The following CNKSR3 variants were observed in gnomAD, a reference collection of about 807,000 sequenced individuals.
The protein encoded by CNKSR3 is connector enhancer of kinase suppressor of ras 3.
A neutral mutation model predicts 67.7 loss-of-function variants in CNKSR3; 36 were observed. The observed-to-expected ratio is 0.53, with a 90% CI of 0.41 to 0.70. The LOEUF (loss-of-function observed/expected upper bound fraction) is 0.70, where lower values mean the gene tolerates loss of function less well. Among genes scored for constraint, CNKSR3 ranks in the 30% least tolerant of loss-of-function variants. CNKSR3 has a pLI of 0.00. For missense variants in CNKSR3, 630 were observed against 695.2 expected, an observed-to-expected ratio of 0.91 and a Z score of 1.05; for synonymous variants, 281 against 271.4, an observed-to-expected ratio of 1.04 and a Z score of -0.35.
At position 154,510,424 on chromosome 6, in the gene CNKSR3, C is replaced by T; in HGVS notation, c.-310G>A. 2.2e-6 allele frequency: 1 copy of T among 448,658 alleles called. No individual in the cohort carries two copies. The highest frequency in any genetic ancestry group is 4.0e-6 in the Non-Finnish European group (1 of 252,966). The allele number at this position is 448,658 out of a possible 1,614,324, so 27.8% of individuals were successfully genotyped here. ...GGCACGCCGGGCTGCGACCCCAGAC[C>T]CCTGGCCTCGGCTCGGCACGGGAGC... On this transcript the variant is annotated 5_prime_UTR_variant, in exon 1 of 13. Transcript: ENST00000607772.
chr6:154,390,241 A>T lies in CNKSR3; in HGVS notation c.*16113T>A, dbSNP rs777625809. ...CTTAGCCCCAGCCTGTGCCTGACCA[A>T]CTCACCTAGGCTACCAAGTTCCCTT... On this transcript the variant is annotated 3_prime_UTR_variant, in exon 13 of 13. Transcript: ENST00000607772. The T allele has an allele frequency of 9.9e-5, 15 of 152,064 alleles. No homozygotes were observed. The highest frequency in any genetic ancestry group is 1.6e-4 in the Non-Finnish European group (11 of 68,066). 9.4% of individuals were successfully genotyped at this position (152,064 alleles called of 1,614,324 possible).
intron 1 of CNKSR3, among the ~76,000 whole-genome samples, chr6:154,474,035 G>A (rs13197276): frequency 0.011 from 1,706 of 149,258 alleles, 11 homozygotes; most frequent in Non-Finnish European, 0.017. Context: ...CGTCCACCTC[G>A]GCCTCCCAAA....
rs997309622 is a variant in CNKSR3, at chr6:154,391,697, T to C, written c.*14657A>G. 6.6e-6 allele frequency: 1 copy of C among 152,218 alleles called. No individual in the cohort carries two copies. The highest frequency in any genetic ancestry group is 1.5e-5 in the Non-Finnish European group (1 of 68,052). 9.4% of individuals were successfully genotyped at this position (152,218 alleles called of 1,614,324 possible). A position where few individuals can be genotyped will look rare whatever the true frequency, so the allele number is the denominator to read the frequency against. The stretch of plus-strand genomic sequence containing the variant: ...CCTTCTCTTTTTTCTCACCTCGCCT[T>C]GGGCTTGTATCTTCCAAATAAAACA... On this transcript the variant is annotated 3_prime_UTR_variant, in exon 13 of 13. Coordinates refer to ENST00000607772, the MANE Select transcript of CNKSR3 (RefSeq NM_173515.4).
rs1786325314 is a variant in CNKSR3, at chr6:154,471,276, A to G, written c.53-21018T>C. On this transcript the variant is annotated intron_variant, in intron 1 of 12. Transcript: ENST00000607772. ...TATGTGTTGCTTGCCATAAATAGAA[A>G]TACCATGAATGCACACTTTGGGAGG... Among the ~76,000 whole-genome samples, 3 of 152,200 alleles carry G rather than the reference A, an allele frequency of 2.0e-5. No individual in the cohort carries two copies. In the South Asian group the frequency reaches 6.2e-4, roughly 31 times the overall value.
Position 154,445,275 on chromosome 6 carries a change from C to T in CNKSR3, c.217-2985G>A, listed in dbSNP as rs1328328179. 2.0e-5 allele frequency among the ~76,000 whole-genome samples: 3 copies of T among 151,960 alleles called. No individual in the cohort carries two copies. In the East Asian group the frequency reaches 5.8e-4, roughly 29 times the overall value. ...AATATTCTATATTAGCAGTATTTTT[C>T]TATCTAAATGTGATATTCATTTTTT... On this transcript the variant is annotated intron_variant, in intron 2 of 12. Transcript: ENST00000607772.
At chr6:154,460,381 G>A (rs1786053524) in intron 1 of CNKSR3, among the ~76,000 whole-genome samples, 1 of 152,158 alleles carries the variant, frequency 6.6e-6, no homozygotes, top group African/African-American at 2.4e-5. Context: ...TATGTTTGAA[G>A]GTGTGTGTGC....
intron 1 of CNKSR3, among the ~76,000 whole-genome samples, chr6:154,507,368 C>T (rs1787122710): frequency 1.3e-5 from 2 of 152,156 alleles, no homozygotes; most frequent in Non-Finnish European, 2.9e-5. Context: ...TTCTCATAAT[C>T]GCCCTACCCA....
Position 154,510,003 on chromosome 6 carries a change from C to T in CNKSR3, c.52+60G>A, listed in dbSNP as rs1206312125. 1.5e-5 allele frequency: 23 copies of T among 1,585,536 alleles called. No individual in the cohort carries two copies. In the Admixed American group the frequency reaches 3.8e-4, roughly 26 times the overall value. Reference sequence around the variant, plus strand: ...AAGGGCCAAGTACCCTCTTCCCCAGCTCCTCGTCCGCCCCATCCCCGAGGC... The same window carrying T: ...AAGGGCCAAGTACCCTCTTCCCCAGTTCCTCGTCCGCCCCATCCCCGAGGC... On this transcript the variant is annotated intron_variant, in intron 1 of 12. Transcript: ENST00000607772.
At position 154,403,694 on chromosome 6, in the gene CNKSR3, C is replaced by T. The variant is rs1784740669; in HGVS notation, c.*2660G>A. The T allele has an allele frequency of 6.6e-6, 1 of 151,774 alleles. No individual in the cohort carries two copies. Among genetic ancestry groups the T allele is most frequent in the African/African-American group, 2.4e-5 (1 of 41,272 alleles). The allele number at this position is 151,774 out of a possible 1,614,324, so 9.4% of individuals were successfully genotyped here. On this transcript the variant is annotated 3_prime_UTR_variant, in exon 13 of 13. Coordinates refer to ENST00000607772, the MANE Select transcript of CNKSR3 (RefSeq NM_173515.4). ...AAGATGAAGCTGTGGAGGGTGACTG[C>T]AAGTAGAGGAGCCAGGAACTTCTCT...
At chr6:154,474,672 G>A (rs1312167429) in intron 1 of CNKSR3, among the ~76,000 whole-genome samples, 1 of 152,178 alleles carries the variant, frequency 6.6e-6, no homozygotes, top group Non-Finnish European at 1.5e-5. Context: ...GTGTGCCCCT[G>A]GCACAGCCGT....
At chr6:154,411,286 C>T (rs1237302343) in intron 10 of CNKSR3, 144 bp from the exon 11 acceptor site, 5 of 622,848 alleles carry the variant, frequency 8.0e-6, no homozygotes, top group East Asian at 5.5e-5. Context: ...CTTTTGTCAA[C>T]CCCAGTTGCC....
intron 4 of CNKSR3, among the ~76,000 whole-genome samples, chr6:154,441,064 C>G (rs1785570572): frequency 6.6e-6 from 1 of 151,514 alleles, no homozygotes; most frequent in South Asian, 2.1e-4. Context: ...TTAAAACACA[C>G]ACAAAAAGGT....
rs1784617545 is a variant in CNKSR3 at position 154,392,404 on chromosome 6, C to T, written c.*13950G>A. The T allele has an allele frequency of 6.6e-6, 1 of 152,208 alleles. No homozygotes were observed. Among genetic ancestry groups the T allele is most frequent in the African/African-American group, 2.4e-5 (1 of 41,448 alleles). 9.4% of individuals were successfully genotyped at this position (152,208 alleles called of 1,614,324 possible). A position where few individuals can be genotyped will look rare whatever the true frequency, so the allele number is the denominator to read the frequency against. ...CCAACAGACATTGGGCTGTGTTCTA[C>T]AAAGGCAGATGGCCAAACAGCACAC... On this transcript the variant is annotated 3_prime_UTR_variant, in exon 13 of 13. Transcript: ENST00000607772.
chr6:154,395,126 C>A lies in CNKSR3; in HGVS notation c.*11228G>T, dbSNP rs141336796. ...GCAGGGCTTCCTGGCAAGCTTAGGACGCGTGCTCCCCCTGCAAGGAGAGAA... is the reference window on the plus strand; with the variant it reads ...GCAGGGCTTCCTGGCAAGCTTAGGAAGCGTGCTCCCCCTGCAAGGAGAGAA... On this transcript the variant is annotated 3_prime_UTR_variant, in exon 13 of 13. Coordinates refer to ENST00000607772, the MANE Select transcript of CNKSR3 (RefSeq NM_173515.4). 6.6e-6 allele frequency: 1 copy of A among 152,142 alleles called. No individual in the cohort carries two copies. The highest frequency in any genetic ancestry group is 1.5e-5 in the Non-Finnish European group (1 of 68,046). 9.4% of individuals were successfully genotyped at this position (152,142 alleles called of 1,614,324 possible). A position where few individuals can be genotyped will look rare whatever the true frequency, so the allele number is the denominator to read the frequency against.
rs35873703 is a variant in CNKSR3 at position 154,415,228 on chromosome 6, A to ATTTTTT, written c.946-811_946-806dup. Among the ~76,000 whole-genome samples the ATTTTTT allele has an allele frequency of 2.1e-3, 249 of 118,108 alleles. 32 individuals are homozygous for ATTTTTT. The East Asian group carries it at 0.04, about 19-fold the overall frequency. The allele number at this position is 118,108 out of a possible 152,430, so 77.5% of individuals were successfully genotyped here. A position where few individuals can be genotyped will look rare whatever the true frequency, so the allele number is the denominator to read the frequency against. The stretch of plus-strand genomic sequence containing the variant: ...TCCTGGCTAGACTTACTAGCTGCCC[A>ATTTTTT]TTTTTTTTTTTTTTTTTTTTAAGAT... On this transcript the variant is annotated intron_variant, in intron 9 of 12. Coordinates refer to ENST00000607772, the MANE Select transcript of CNKSR3 (RefSeq NM_173515.4).
intron 1 of CNKSR3, among the ~76,000 whole-genome samples, chr6:154,493,703 A>G (rs888510395): frequency 5.3e-5 from 8 of 152,164 alleles, no homozygotes; most frequent in Non-Finnish European, 7.3e-5. Flanking sequence ...AGGCCTCAGG[A>G]AACTGACAAT....
rs751859435 is a variant in CNKSR3, at chr6:154,410,986, C to T, written c.1227G>A (p.Ser409=). ...IADSDQLPGY[S]VETNILPTKM... is the part of the protein sequence containing the mutation. ...TTGTGGGCAGAATGTTGGTTTCCACCGAGTACCCAGGCAACTGATCCGAGT... is the reference window on the plus strand; with the variant it reads ...TTGTGGGCAGAATGTTGGTTTCCACTGAGTACCCAGGCAACTGATCCGAGT... The change falls in exon 11 of 13, where the codon TCG becomes TCA. Residue 409 remains serine, a synonymous_variant. Transcript: ENST00000607772. 2.0e-5 allele frequency: 33 copies of T among 1,613,820 alleles called. No homozygotes were observed. In the South Asian group the frequency reaches 2.5e-4, roughly 12 times the overall value.
In CNKSR3 at chr6:154,505,481, T is replaced by TTTA. The variant is rs765888649; in HGVS notation, c.52+4579_52+4581dup. 1.5e-3 allele frequency among the ~76,000 whole-genome samples: 221 copies of TTTA among 145,308 alleles called. 3 individuals are homozygous for TTTA. The highest frequency in any genetic ancestry group is 1.8e-3 in the African/African-American group (71 of 38,616). On this transcript the variant is annotated intron_variant, in intron 1 of 12. Coordinates refer to ENST00000607772, the MANE Select transcript of CNKSR3 (RefSeq NM_173515.4). ...AGATGTGCTGACTCAACTACACAAT[T>TTTA]TTATTATTATTATTATTTTTTTTTT...
At chr6:154,460,697 T>G (rs919631366) in intron 1 of CNKSR3, among the ~76,000 whole-genome samples, 1 of 152,220 alleles carries the variant, frequency 6.6e-6, no homozygotes, top group Admixed American at 6.5e-5. Flanking sequence ...TAGTGCAGCC[T>G]ACTTTGCCAA....
Sources: allele counts gnomAD v4.1 joint callset (sites outside exome capture counted in the v4.1 genomes callset), GRCh38; gene constraint gnomAD v4.1.1; transcripts MANE v1.5; gene names NCBI Gene and HGNC (gene_info 2026-07-23, HGNC 2026-07-21).